PHACTR1: variants seen among roughly 807,000 people sequenced by gnomAD.
The protein encoded by PHACTR1 is phosphatase and actin regulator 1.
A neutral mutation model predicts 69.2 loss-of-function variants in PHACTR1; 16 were observed. That is an observed-to-expected ratio of 0.23 (90% CI 0.16 to 0.35). The LOEUF (loss-of-function observed/expected upper bound fraction) is 0.35, where lower values mean the gene tolerates loss of function less well. Among genes scored for constraint, PHACTR1 ranks in the 10% least tolerant of loss-of-function variants. The pLI is 1.00. For synonymous variants in PHACTR1, 312 were observed against 284.5 expected, an observed-to-expected ratio of 1.10 and a Z score of -0.97; for missense variants, 510 against 734.7, an observed-to-expected ratio of 0.69 and a Z score of 3.54.
intron 4 of PHACTR1, among the ~76,000 whole-genome samples, chr6:12,942,256 T>C (rs1370803510): frequency 6.6e-6 from 1 of 152,238 alleles, no homozygotes; most frequent in Non-Finnish European, 1.5e-5. Flanking sequence ...TATGTCATTA[T>C]TTCCATATGA....
intron 12 of PHACTR1, chr6:13,281,491 T>G (rs187790189): frequency 3.0e-6 from 1 of 327,966 alleles, no homozygotes; most frequent in Non-Finnish European, 6.4e-6. Flanking sequence ...GAGGCGGAGG[T>G]TGCAGTGAGC....
chr6:12,721,694 A>G (rs1386402487), intron 3 of PHACTR1, among the ~76,000 whole-genome samples: 1 of 152,034 alleles, frequency 6.6e-6, no homozygotes, highest in Non-Finnish European at 1.5e-5. Context: ...TCCTTTCTCA[A>G]GTTCTGCTTT....
chr6:12,722,500 C>T (rs1001484863), intron 3 of PHACTR1, among the ~76,000 whole-genome samples: 2 of 152,220 alleles, frequency 1.3e-5, no homozygotes, highest in Non-Finnish European at 2.9e-5. Flanking sequence ...TGGCAATAGC[C>T]TTCCCTTGAA....
At chr6:13,281,168 A>G in intron 12 of PHACTR1, 2 of 1,254,464 alleles carry the variant, frequency 1.6e-6, no homozygotes, top group Non-Finnish European at 2.1e-6. Context: ...TGCCATAGAT[A>G]GGACATTAGT....
At chr6:12,751,926 G>A (rs1766670258) in intron 4 of PHACTR1, among the ~76,000 whole-genome samples, 1 of 152,148 alleles carries the variant, frequency 6.6e-6, no homozygotes, top group Non-Finnish European at 1.5e-5. Context: ...GCGAGACAGA[G>A]AAGTGACTGT....
At chr6:13,083,706 A>G (rs1044587280) in intron 5 of PHACTR1, among the ~76,000 whole-genome samples, 11 of 152,124 alleles carry the variant, frequency 7.2e-5, no homozygotes, top group Non-Finnish European at 1.6e-4. Flanking sequence ...TCTTTGAAGC[A>G]ATTGTGAATG....
chr6:12,754,992 C>A (rs1767130212), intron 4 of PHACTR1, among the ~76,000 whole-genome samples: 1 of 152,068 alleles, frequency 6.6e-6, no homozygotes, highest in Non-Finnish European at 1.5e-5. Flanking sequence ...TCATGGTTAC[C>A]AAGGGGTGGC....
At chr6:13,231,445 G>GAGGAAGGAAAGAAGGAAGGA (rs1771164596) in intron 10 of PHACTR1, among the ~76,000 whole-genome samples, 1 of 101,470 alleles carries the variant, frequency 9.9e-6, no homozygotes, top group Non-Finnish European at 2.6e-5. Flanking sequence ...AGGAGGGAGG[G>GAGGAAGGAAAGAAGGAAGGA]AGGAAGGAAA....
chr6:12,776,309 C>T (rs938674140), intron 4 of PHACTR1, among the ~76,000 whole-genome samples: 2 of 152,134 alleles, frequency 1.3e-5, no homozygotes, highest in African/African-American at 4.8e-5. Flanking sequence ...TCCTCATTAC[C>T]GTTTACAATT....
chr6:13,102,936 G>A (rs1815418793), intron 5 of PHACTR1, among the ~76,000 whole-genome samples: 1 of 152,168 alleles, frequency 6.6e-6, no homozygotes, highest in Admixed American at 6.5e-5. Context: ...AAGCCAGCTT[G>A]TAAAAGGAGC....
intron 4 of PHACTR1, among the ~76,000 whole-genome samples, chr6:12,830,109 GAAAGAAAGAAAGAAA>G (rs1777321510): frequency 3.1e-5 from 1 of 32,308 alleles, no homozygotes; most frequent in Non-Finnish European, 1.1e-4. Context: ...AAGAAAGAAA[GAAAGAAAGAAAGAAA>G]GAAAGAAAGA....
intron 4 of PHACTR1, among the ~76,000 whole-genome samples, chr6:12,822,620 C>T (rs1776346682): frequency 6.6e-6 from 1 of 152,128 alleles, no homozygotes; most frequent in African/African-American, 2.4e-5. Context: ...TTAGAGGAGC[C>T]GGGGCATCTA....
At chr6:13,239,585 G>C (rs983619360) in intron 10 of PHACTR1, among the ~76,000 whole-genome samples, 1 of 152,224 alleles carries the variant, frequency 6.6e-6, no homozygotes, top group African/African-American at 2.4e-5. Flanking sequence ...CGCATTGGAA[G>C]GAGGTAGAAT....
At chr6:13,094,046 TTG>T (rs1259179033) in intron 5 of PHACTR1, among the ~76,000 whole-genome samples, 5 of 151,954 alleles carry the variant, frequency 3.3e-5, no homozygotes, top group Middle Eastern at 3.2e-3. Context: ...TAATTTATTT[TTG>T]TTTTTATAGA....
At chr6:13,121,743 CATCG>C (rs903905182) in intron 5 of PHACTR1, among the ~76,000 whole-genome samples, 2 of 152,172 alleles carry the variant, frequency 1.3e-5, no homozygotes, top group Non-Finnish European at 1.5e-5. Flanking sequence ...CAGGAAGACA[CATCG>C]ATGTCTCTTT....
At chr6:13,196,174 G>A (rs1387539917) in intron 7 of PHACTR1, among the ~76,000 whole-genome samples, 1 of 152,168 alleles carries the variant, frequency 6.6e-6, no homozygotes, top group Non-Finnish European at 1.5e-5. Context: ...GCAAGAAGTA[G>A]TGTGTATCCT....
chr6:13,080,259 A>G (rs1811165970), intron 5 of PHACTR1, among the ~76,000 whole-genome samples: 1 of 152,146 alleles, frequency 6.6e-6, no homozygotes, highest in African/African-American at 2.4e-5. Flanking sequence ...GCCTTTAAAA[A>G]AGTTATTTCA....
chr6:12,904,594 C>T (rs1029576698), intron 4 of PHACTR1, among the ~76,000 whole-genome samples: 14 of 151,914 alleles, frequency 9.2e-5, no homozygotes. Context: ...GTTTACTTGC[C>T]GTAAGAATCA....
intron 4 of PHACTR1, among the ~76,000 whole-genome samples, chr6:12,915,506 C>CAAAAA (rs1225757251): frequency 1.2e-4 from 6 of 50,238 alleles, no homozygotes; most frequent in Non-Finnish European, 2.4e-4. Context: ...AACTCTCTCT[C>CAAAAA]AAAAAAAAAA....
Sources: allele counts gnomAD v4.1 joint callset (sites outside exome capture counted in the v4.1 genomes callset), GRCh38; gene constraint gnomAD v4.1.1; transcripts MANE v1.5; gene names NCBI Gene and HGNC (gene_info 2026-07-23, HGNC 2026-07-21).